The following RFX3 variants were observed in gnomAD, a reference collection of about 807,000 sequenced individuals.
The protein encoded by RFX3 is regulatory factor X3.
A neutral mutation model predicts 98.6 loss-of-function variants in RFX3; 14 were observed. That is an observed-to-expected ratio of 0.14 (90% confidence interval 0.09 to 0.22). The LOEUF (loss-of-function observed/expected upper bound fraction) is 0.22. RFX3 is among the 10% of genes least tolerant of loss of function. The pLI, the probability that RFX3 is intolerant of heterozygous loss-of-function variation, is 1.00. For synonymous variants in RFX3, 383 were observed against 328.4 expected (o/e 1.17, Z -1.80); for missense variants, 639 against 926.9 (o/e 0.69, Z 4.03).
chr9:3,467,285 C>CAT (rs922512356), intron 1 of RFX3, among the ~76,000 whole-genome samples: 1 of 142,214 alleles, frequency 7.0e-6, no homozygotes, highest in East Asian at 2.0e-4. Flanking sequence ...CATATATATA[C>CAT]ATATATATAC....
intron 1 of RFX3, among the ~76,000 whole-genome samples, chr9:3,418,305 CT>C (rs1843148689): frequency 6.6e-6 from 1 of 152,174 alleles, no homozygotes; most frequent in Non-Finnish European, 1.5e-5. Flanking sequence ...ACAACAGTGC[CT>C]GATGCATGGT....
chr9:3,308,212 A>G (rs2986698), intron 4 of RFX3, among the ~76,000 whole-genome samples: 19,029 of 152,072 alleles, frequency 0.13, 1,246 homozygotes, highest in Middle Eastern at 0.19. Flanking sequence ...GTGCTTGGGA[A>G]TTAAGACTGG....
At chr9:3,256,282 C>G (rs1362700941) in intron 14 of RFX3, among the ~76,000 whole-genome samples, 1 of 151,848 alleles carries the variant, frequency 6.6e-6, no homozygotes, top group Non-Finnish European at 1.5e-5. Context: ...TAATCACTAT[C>G]TCTTGACCAC....
rs1188433570 is a variant in RFX3 at position 3,504,919 on chromosome 9, AAC to A, written c.-9+20826_-9+20827del. 8.8e-3 allele frequency among the ~76,000 whole-genome samples: 546 copies of A among 62,234 alleles called. 24 individuals carry two copies. Among genetic ancestry groups the A allele is most frequent in the African/African-American group, 0.043 (506 of 11,826 alleles). 40.8% of individuals were successfully genotyped at this position (62,234 alleles called of 152,430 possible). A position where few individuals can be genotyped will look rare whatever the true frequency, so the allele number is the denominator to read the frequency against. ...CATATATTATATATATATATAATAT[AAC>A]ATATATTATATATAATATATATAAT... On this transcript the variant is annotated intron_variant, in intron 1 of 16. Transcript: ENST00000617270.
chr9:3,291,999 G>GTGAGC (rs1243019101), intron 6 of RFX3, among the ~76,000 whole-genome samples: 1 of 132,856 alleles, frequency 7.5e-6, no homozygotes, highest in African/African-American at 2.8e-5. Flanking sequence ...AGAGGTTGCA[G>GTGAGC]TGAGCTGAGA....
At chr9:3,522,498 A>T (rs1287196019) in intron 1 of RFX3, among the ~76,000 whole-genome samples, 1 of 151,888 alleles carries the variant, frequency 6.6e-6, no homozygotes, top group Non-Finnish European at 1.5e-5. Context: ...ACACATTCTC[A>T]CTATGGATAC....
chr9:3,482,158 C>T (rs1809269621), intron 1 of RFX3, among the ~76,000 whole-genome samples: 1 of 151,284 alleles, frequency 6.6e-6, no homozygotes, highest in Non-Finnish European at 1.5e-5. Flanking sequence ...ATGATACATA[C>T]ATACAATGCT....
intron 7 of RFX3, among the ~76,000 whole-genome samples, chr9:3,281,186 A>T (rs1452084803): frequency 2.0e-5 from 3 of 151,716 alleles, no homozygotes; most frequent in Admixed American, 6.6e-5. Context: ...CTTACATAGT[A>T]ATTCTACATT....
chr9:3,280,159 G>T (rs755589918), intron 7 of RFX3, among the ~76,000 whole-genome samples: 3 of 151,768 alleles, frequency 2.0e-5, no homozygotes, highest in Admixed American at 1.3e-4. Flanking sequence ...TTCATTCTTG[G>T]TTGCTTGGCT....
At chr9:3,512,471 T>C (rs1205939203) in intron 1 of RFX3, among the ~76,000 whole-genome samples, 1 of 151,978 alleles carries the variant, frequency 6.6e-6, no homozygotes, top group African/African-American at 2.4e-5. Context: ...CTGCTTTAGA[T>C]ATCAGATAAA....
In RFX3 at chr9:3,307,450, C is replaced by T. The variant is rs1475574922; in HGVS notation, c.475-5830G>A. On this transcript the variant is annotated intron_variant, in intron 4 of 16. Transcript: ENST00000617270. ...GAGAGAATCTAGACAGGAAAACCAA[C>T]TTGGAAGCTATCATAATAGTCCAGG... Among the ~76,000 whole-genome samples, 13 of 152,030 alleles carry T rather than the reference C, an allele frequency of 8.6e-5. 1 individual carries two copies. The highest frequency in any genetic ancestry group is 8.5e-4 in the Admixed American group (13 of 15,254).
At chr9:3,277,270 T>C (rs965323474) in intron 8 of RFX3, 70 bp downstream of exon 8, 14 of 1,521,278 alleles carry the variant, frequency 9.2e-6, no homozygotes, top group African/African-American at 8.2e-5. Flanking sequence ...ATAATAGACA[T>C]TGCACTTGGA....
intron 3 of RFX3, among the ~76,000 whole-genome samples, chr9:3,339,916 T>C (rs1833669486): frequency 6.6e-6 from 1 of 151,980 alleles, no homozygotes; most frequent in Non-Finnish European, 1.5e-5. Context: ...AAAGTTCATA[T>C]GGAACCAAAA....
At chr9:3,302,227 G>A (rs780643853) in intron 4 of RFX3, among the ~76,000 whole-genome samples, 14 of 151,772 alleles carry the variant, frequency 9.2e-5, no homozygotes, top group Non-Finnish European at 1.6e-4. Context: ...TTTACGATGT[G>A]GTGTTAAGGC....
intron 1 of RFX3, among the ~76,000 whole-genome samples, chr9:3,525,068 T>A (rs1428203051): frequency 1.3e-5 from 2 of 150,322 alleles, no homozygotes; most frequent in Non-Finnish European, 3.0e-5. Flanking sequence ...AATACAGTTT[T>A]AAAAAGAAAA....
At chr9:3,264,143 C>T (rs747100759) in intron 12 of RFX3, among the ~76,000 whole-genome samples, 13 of 151,986 alleles carry the variant, frequency 8.6e-5, no homozygotes, top group African/African-American at 1.5e-4. Flanking sequence ...GTTGGATGCA[C>T]GATTTGTTGC....
In RFX3 at chr9:3,494,227, T is replaced by C. The variant is rs557629614; in HGVS notation, c.-9+31520A>G. Among the ~76,000 whole-genome samples, 9 of 152,310 alleles carry C rather than the reference T, an allele frequency of 5.9e-5. No homozygotes were observed. In the East Asian group the frequency reaches 1.7e-3, roughly 29 times the overall value. On this transcript the variant is annotated intron_variant, in intron 1 of 16. Coordinates refer to ENST00000617270, the MANE Select transcript of RFX3 (RefSeq NM_001282116.2). ...ATTCTGCCTCAATCATATATTTGCA[T>C]AGACTCTGGTGTTAAATTTGCATAG... is the stretch of plus-strand genomic sequence containing the variant.
At chr9:3,342,881 G>C (rs563584898) in intron 3 of RFX3, among the ~76,000 whole-genome samples, 1 of 152,240 alleles carries the variant, frequency 6.6e-6, no homozygotes, top group South Asian at 2.1e-4. Flanking sequence ...ATGTAGCATG[G>C]GTTCCTACAG....
intron 2 of RFX3, among the ~76,000 whole-genome samples, chr9:3,379,278 T>G (rs773458700): frequency 1.3e-5 from 2 of 152,136 alleles, no homozygotes; most frequent in African/African-American, 2.4e-5. Flanking sequence ...TAAAGGAAAG[T>G]TAATCTAGAT....
Sources: gnomAD v4.1 joint callset for allele counts (sites outside exome capture counted in the v4.1 genomes callset) on GRCh38, gnomAD v4.1.1 for gene constraint, MANE v1.5 for transcripts, NCBI Gene and HGNC (gene_info 2026-07-23, HGNC 2026-07-21) for gene names.